The following RALYL variants were observed in gnomAD, a reference collection of about 807,000 sequenced individuals.
RALYL encodes the protein RALY RNA binding protein like, also known as RNA-binding Raly-like protein.
Under a neutral mutation model 35.1 loss-of-function variants are expected in RALYL, and 29 were observed. The observed-to-expected ratio is 0.83, with a 90% CI of 0.61 to 1.13. The LOEUF (loss-of-function observed/expected upper bound fraction) is 1.13. Among genes scored for constraint, RALYL ranks in the 50% most tolerant of loss-of-function variants. RALYL has a pLI of 0.00. For synonymous variants in RALYL, 120 were observed against 127.6 expected (o/e 0.94, Z 0.40); for missense variants, 359 against 360.4 (o/e 1.00, Z 0.03).
chr8:84,242,952 C>G (rs1236481696), intron 1 of RALYL, among the ~76,000 whole-genome samples: 1 of 152,054 alleles, frequency 6.6e-6, no homozygotes, highest in African/African-American at 2.4e-5. Context: ...AAGTTTTCTT[C>G]TAGGGTTTTC....
intron 1 of RALYL, among the ~76,000 whole-genome samples, chr8:84,353,196 G>T (rs541217568): frequency 6.7e-6 from 1 of 149,808 alleles, no homozygotes; most frequent in Non-Finnish European, 1.5e-5. Flanking sequence ...TCTATGTCCC[G>T]GACTGTTTCG....
chr8:84,650,599 T>C (rs1268317761), intron 2 of RALYL, among the ~76,000 whole-genome samples: 2 of 151,822 alleles, frequency 1.3e-5, no homozygotes, highest in Non-Finnish European at 2.9e-5. Flanking sequence ...TGTGGAGAAA[T>C]AGGAGCACTT....
intron 1 of RALYL, among the ~76,000 whole-genome samples, chr8:84,449,789 G>C (rs1235482472): frequency 6.6e-6 from 1 of 151,880 alleles, no homozygotes; most frequent in Non-Finnish European, 1.5e-5. Flanking sequence ...CTAATCTTTT[G>C]AATTTGTTCA....
In RALYL at chr8:84,560,498, T is replaced by C. The variant is rs998544578; in HGVS notation, c.256+30921T>C. 6.6e-5 allele frequency among the ~76,000 whole-genome samples: 10 copies of C among 152,126 alleles called. No individual in the cohort carries two copies. The East Asian group carries it at 1.9e-3, about 29-fold the overall frequency. On this transcript the variant is annotated intron_variant, in intron 2 of 8. Coordinates refer to ENST00000521268, the MANE Select transcript of RALYL (RefSeq NM_173848.7). ...GCCTGGGATATAATTATGTTTTTAT[T>C]CCATTCATTGCTATTTCAGTGTCTT...
rs369810769 is a variant in RALYL, at chr8:84,840,707, C to A, written c.366-9273C>A. ...GAAATGAAGGAAAAAATGTTAAGGGCAGCCAGAGAAAAAGGTAGGGTTACC... is the reference window on the plus strand; with the variant it reads ...GAAATGAAGGAAAAAATGTTAAGGGAAGCCAGAGAAAAAGGTAGGGTTACC... On this transcript the variant is annotated intron_variant, in intron 4 of 8. Transcript: ENST00000521268. Among the ~76,000 whole-genome samples, 5 of 152,128 alleles carry A rather than the reference C, an allele frequency of 3.3e-5. No individual in the cohort carries two copies. The South Asian group carries it at 6.2e-4, about 19-fold the overall frequency.
chr8:84,862,049 C>T (rs1264368425), intron 5 of RALYL, among the ~76,000 whole-genome samples: 1 of 152,156 alleles, frequency 6.6e-6, no homozygotes, highest in East Asian at 1.9e-4. Context: ...TCCTTTCATA[C>T]CTTACAAATG....
chr8:84,866,826 G>C (rs1449012530), intron 6 of RALYL, among the ~76,000 whole-genome samples: 1 of 152,082 alleles, frequency 6.6e-6, no homozygotes, highest in Non-Finnish European at 1.5e-5. Context: ...TGGGTAAAAG[G>C]ATAATGAAAA....
intron 2 of RALYL, among the ~76,000 whole-genome samples, chr8:84,710,699 A>G (rs150016443): frequency 9.5e-4 from 144 of 152,262 alleles, no homozygotes; most frequent in African/African-American, 3.2e-3. Context: ...TTTCTTTCAT[A>G]TAAGGTATTC....
At chr8:84,907,314 A>T (rs763972508) in intron 8 of RALYL, among the ~76,000 whole-genome samples, 3,683 of 16,876 alleles carry the variant, frequency 0.22, 90 homozygotes, top group East Asian at 0.51. Context: ...ATAGCGTCAC[A>T]CACACACACA....
At chr8:84,635,754 C>A (rs778156489) in intron 2 of RALYL, among the ~76,000 whole-genome samples, 1 of 151,660 alleles carries the variant, frequency 6.6e-6, no homozygotes, top group South Asian at 2.1e-4. Flanking sequence ...TAACATACGG[C>A]TCTTAGCATG....
intron 1 of RALYL, among the ~76,000 whole-genome samples, chr8:84,293,230 AAGAG>A (rs1228198570): frequency 6.6e-6 from 1 of 152,142 alleles, no homozygotes; most frequent in Non-Finnish European, 1.5e-5. Context: ...TAGGAAGAAA[AAGAG>A]AGCGAGAGAA....
rs547014309 is a variant in RALYL, at chr8:84,509,805, T to G, written c.-23-19494T>G. ...TGGTCTATAGTTTTGCTTTTGCTAC[T>G]TTTTCAAAGATCAGTTGACTGTGTT... is the stretch of plus-strand genomic sequence containing the variant. On this transcript the variant is annotated intron_variant, in intron 1 of 8. Coordinates refer to ENST00000521268, the MANE Select transcript of RALYL (RefSeq NM_173848.7). Among the ~76,000 whole-genome samples the G allele has an allele frequency of 1.9e-3, 291 of 152,340 alleles. 3 individuals carry two copies. The highest frequency in any genetic ancestry group is 6.8e-3 in the African/African-American group (282 of 41,580).
intron 2 of RALYL, chr8:84,705,980 G>A (rs761618499): frequency 3.9e-6 from 6 of 1,533,920 alleles, no homozygotes; most frequent in South Asian, 1.2e-5. Context: ...CTTTGTCTCC[G>A]TGGTCAAATC....
chr8:84,761,741 T>C (rs1353148822), intron 2 of RALYL, among the ~76,000 whole-genome samples: 1 of 152,166 alleles, frequency 6.6e-6, no homozygotes, highest in African/African-American at 2.4e-5. Flanking sequence ...TCAAATATTG[T>C]TCTAGGTTCA....
intron 1 of RALYL, among the ~76,000 whole-genome samples, chr8:84,504,711 C>T (rs1161937568): frequency 6.6e-6 from 1 of 152,050 alleles, no homozygotes; most frequent in African/African-American, 2.4e-5. Flanking sequence ...GCAAGTTGTA[C>T]ATAATGTATG....
At chr8:84,466,459 A>C (rs1192306048) in intron 1 of RALYL, among the ~76,000 whole-genome samples, 1 of 150,604 alleles carries the variant, frequency 6.6e-6, no homozygotes, top group East Asian at 1.9e-4. Context: ...TGATTTGCGT[A>C]TATTGAACCA....
intron 2 of RALYL, among the ~76,000 whole-genome samples, chr8:84,669,182 T>C (rs1267021400): frequency 6.6e-6 from 1 of 152,176 alleles, no homozygotes; most frequent in African/African-American, 2.4e-5. Flanking sequence ...AGATCACCCC[T>C]GGACAGTCCA....
intron 4 of RALYL, among the ~76,000 whole-genome samples, chr8:84,810,131 C>A (rs1018820533): frequency 6.6e-6 from 1 of 152,212 alleles, no homozygotes; most frequent in Admixed American, 6.5e-5. Context: ...GGGCTATGAA[C>A]TTTCCTCTTA....
chr8:84,326,933 T>C (rs1398700505), intron 1 of RALYL, among the ~76,000 whole-genome samples: 1 of 151,820 alleles, frequency 6.6e-6, no homozygotes, highest in Non-Finnish European at 1.5e-5. Flanking sequence ...GGAAGTTCTA[T>C]GAGGAAGGAC....
Sources: gnomAD v4.1 joint callset for allele counts (sites outside exome capture counted in the v4.1 genomes callset) on GRCh38, gnomAD v4.1.1 for gene constraint, MANE v1.5 for transcripts, NCBI Gene and HGNC (gene_info 2026-07-23, HGNC 2026-07-21) for gene names.